The following TANK variants were observed in gnomAD, a reference collection of about 807,000 sequenced individuals.
TANK encodes TRAF family member-associated NF-kappa-B activator.
A neutral mutation model predicts 43.6 loss-of-function variants in TANK; 15 were observed. The observed-to-expected ratio is 0.34, with a 90% CI of 0.23 to 0.53. The LOEUF is 0.53. TANK is among the 20% of genes least tolerant of loss of function. TANK has a pLI of 0.94. For synonymous variants in TANK, 162 were observed against 178.2 expected (o/e 0.91, Z 0.73); for missense variants, 417 against 498.6 (o/e 0.84, Z 1.56).
At chr2:161,230,894 C>A in intron 6 of TANK, 77 bp from the exon 7 acceptor site, 2 of 1,086,108 alleles carry the variant, frequency 1.8e-6, no homozygotes, top group South Asian at 1.5e-5. Context: ...TAATAATAAT[C>A]TCTCCAAAGC....
chr2:161,224,197 T>C (rs905280123), intron 5 of TANK, among the ~76,000 whole-genome samples: 1 of 152,070 alleles, frequency 6.6e-6, no homozygotes, highest in African/African-American at 2.4e-5. Flanking sequence ...ACTTGAATTC[T>C]GTAAAGCTCT....
chr2:161,161,427 A>G, intron 1 of TANK: 2 of 1,550,798 alleles, frequency 1.3e-6, no homozygotes, highest in Non-Finnish European at 1.7e-6. Context: ...CAGAGAAGCA[A>G]GCAGTGCATT....
chr2:161,217,966 G>A lies in TANK; in HGVS notation c.328-5949G>A, dbSNP rs116487172. ...AGAGAGGATAGAATTAACCAGTAGG[G>A]TACTCCACCCATTGTCATGCTTTGT... is the stretch of plus-strand genomic sequence containing the variant. On this transcript the variant is annotated intron_variant, in intron 4 of 7. Coordinates refer to ENST00000392749, the MANE Select transcript of TANK (RefSeq NM_001199135.3). Among the ~76,000 whole-genome samples the A allele has an allele frequency of 2.8e-3, 419 of 152,152 alleles. 2 individuals carry two copies. Among genetic ancestry groups the A allele is most frequent in the African/African-American group, 9.6e-3 (398 of 41,490 alleles).
intron 4 of TANK, chr2:161,212,824 C>T (rs1015802881): frequency 9.4e-5 from 90 of 953,588 alleles, no homozygotes; most frequent in Non-Finnish European, 1.1e-4. Context: ...CCCCTGTCCA[C>T]CTCCATCTTA....
chr2:161,178,926 G>A (rs913195847), intron 1 of TANK, among the ~76,000 whole-genome samples: 7 of 152,086 alleles, frequency 4.6e-5, no homozygotes, highest in Admixed American at 3.9e-4. Context: ...AAGGAATGTC[G>A]TTAAGAGATG....
At position 161,179,749 on chromosome 2, in the gene TANK, A is replaced by T; in HGVS notation, c.87A>T (p.Glu29Asp). The T allele has an allele frequency of 6.2e-7, 1 of 1,612,470 alleles. No homozygotes were observed. The highest frequency in any genetic ancestry group is 8.5e-7 in the Non-Finnish European group (1 of 1,179,052). ...TGGATAGAGATTCTGCAGTAAAAGAATTACAGCAAAAGGTGTGTGGTTCTG... is the reference window on the plus strand; with the variant it reads ...TGGATAGAGATTCTGCAGTAAAAGATTTACAGCAAAAGGTGTGTGGTTCTG... ...ACMDRDSAVK[E>D]LQQKTENYEQ... is the part of the protein sequence containing the mutation. Residue 29 changes from glutamate to aspartate, a missense_variant, in exon 2 of 8, where the codon GAA (glutamate) becomes GAT (aspartate). Glu to Asp is a conservative substitution (Grantham distance 45, BLOSUM62 2). Coordinates refer to ENST00000392749, the MANE Select transcript of TANK (RefSeq NM_001199135.3).
intron 4 of TANK, among the ~76,000 whole-genome samples, chr2:161,209,845 A>C (rs111745519): frequency 1.3e-5 from 2 of 152,228 alleles, no homozygotes; most frequent in African/African-American, 4.8e-5. Context: ...CTTCTGGCTT[A>C]AAGTCTTGAT....
intron 4 of TANK, among the ~76,000 whole-genome samples, chr2:161,216,672 G>GTT (rs774940753): frequency 4.0e-5 from 6 of 151,408 alleles, no homozygotes; most frequent in Non-Finnish European, 8.8e-5. Flanking sequence ...TTTCTTGAGG[G>GTT]TTTCTCCTGC....
At chr2:161,200,521 A>T in intron 2 of TANK, 1 of 983,348 alleles carries the variant, frequency 1.0e-6, no homozygotes, top group Non-Finnish European at 1.2e-6. Flanking sequence ...TCCCTCTCAT[A>T]GTCTGTGGTC....
intron 2 of TANK, among the ~76,000 whole-genome samples, chr2:161,188,454 T>TAGA (rs1174664464): frequency 5.9e-5 from 9 of 152,244 alleles, no homozygotes; most frequent in African/African-American, 2.2e-4. Context: ...AGAAACACAC[T>TAGA]AACTACTAAG....
intron 4 of TANK, among the ~76,000 whole-genome samples, chr2:161,210,564 G>A (rs1489567808): frequency 1.3e-5 from 2 of 151,968 alleles, no homozygotes; most frequent in Non-Finnish European, 2.9e-5. Context: ...GGGCGTGGTG[G>A]CAGGCACCTG....
intron 2 of TANK, among the ~76,000 whole-genome samples, chr2:161,187,847 C>T (rs1175202986): frequency 6.6e-6 from 1 of 152,132 alleles, no homozygotes; most frequent in East Asian, 1.9e-4. Flanking sequence ...AGATTAAAAT[C>T]ATGCTAAGTA....
At chr2:161,166,268 A>G (rs1339219609) in intron 1 of TANK, among the ~76,000 whole-genome samples, 3 of 152,256 alleles carry the variant, frequency 2.0e-5, no homozygotes, top group Non-Finnish European at 4.4e-5. Context: ...TGGATGGAGC[A>G]CAGAAACAGC....
At chr2:161,149,489 C>CT (rs1420977574) in intron 1 of TANK, among the ~76,000 whole-genome samples, 1 of 152,066 alleles carries the variant, frequency 6.6e-6, no homozygotes, top group African/African-American at 2.4e-5. Flanking sequence ...TTTTTCTTGT[C>CT]TAATTGCACT....
chr2:161,147,866 T>A (rs1044148336), intron 1 of TANK, among the ~76,000 whole-genome samples: 1 of 152,234 alleles, frequency 6.6e-6, no homozygotes, highest in Non-Finnish European at 1.5e-5. Flanking sequence ...TTTTTGTGGC[T>A]GAATAATATT....
chr2:161,201,582 T>C (rs1333416527), intron 2 of TANK, among the ~76,000 whole-genome samples: 1 of 152,206 alleles, frequency 6.6e-6, no homozygotes, highest in Non-Finnish European at 1.5e-5. Context: ...TATTGATTGA[T>C]GTTTGTGAAG....
chr2:161,138,084 T>C (rs1266400056), intron 1 of TANK: 1 of 364,218 alleles, frequency 2.7e-6, no homozygotes, highest in Admixed American at 6.4e-5. Context: ...CAATGCTGCA[T>C]CTCCTTGGAC....
At chr2:161,150,846 C>T (rs1280991621) in intron 1 of TANK, among the ~76,000 whole-genome samples, 1 of 152,180 alleles carries the variant, frequency 6.6e-6, no homozygotes, top group African/African-American at 2.4e-5. Flanking sequence ...TTGTCTCAAC[C>T]TCCCAAAGTC....
intron 2 of TANK, among the ~76,000 whole-genome samples, chr2:161,193,330 T>C (rs760995439): frequency 6.6e-5 from 10 of 152,220 alleles, no homozygotes; most frequent in Non-Finnish European, 1.2e-4. Context: ...ATGGAGAGTA[T>C]AGGGTGGTAG....
Sources: gnomAD v4.1 joint callset for allele counts (sites outside exome capture counted in the v4.1 genomes callset) on GRCh38, gnomAD v4.1.1 for gene constraint, MANE v1.5 for transcripts, NCBI Gene and HGNC (gene_info 2026-07-23, HGNC 2026-07-21) for gene names.